EFCAB5: variants seen among roughly 807,000 people sequenced by gnomAD.
EFCAB5 encodes EF-hand calcium binding domain 5.
Under a neutral mutation model 167.9 loss-of-function variants are expected in EFCAB5, and 131 were observed. That is an observed-to-expected ratio of 0.78 (90% CI 0.68 to 0.90). The LOEUF is 0.90. Among genes scored for constraint, EFCAB5 ranks in the 40% least tolerant of loss-of-function variants. The probability of loss-of-function intolerance (pLI) is 0.00; values close to 1 mark genes in which losing one functional copy is unlikely to be tolerated. For missense variants in EFCAB5, 1,663 were observed against 1,745.2 expected (o/e 0.95, Z 0.84); for synonymous variants, 574 against 602.8 (o/e 0.95, Z 0.70).
chr17:30,097,117 C>T (rs953642461), intron 22 of EFCAB5, among the ~76,000 whole-genome samples: 9 of 149,682 alleles, frequency 6.0e-5, no homozygotes, highest in African/African-American at 1.5e-4. Context: ...AGTGCAGTGG[C>T]GCGATCTCGG....
At chr17:30,022,489 A>C (rs2069204786) in intron 7 of EFCAB5, among the ~76,000 whole-genome samples, 1 of 152,154 alleles carries the variant, frequency 6.6e-6, no homozygotes. Flanking sequence ...ACAGATGCAA[A>C]CATTATAAAC....
chr17:30,101,028 A>G (rs2071375925), intron 22 of EFCAB5, among the ~76,000 whole-genome samples: 1 of 152,198 alleles, frequency 6.6e-6, no homozygotes, highest in South Asian at 2.1e-4. Flanking sequence ...TCAGGAGGTA[A>G]TGGAGGACTG....
chr17:29,986,667 G>C (rs1253939160), intron 4 of EFCAB5, among the ~76,000 whole-genome samples: 1 of 2,960 alleles, frequency 3.4e-4, no homozygotes, highest in Non-Finnish European at 7.9e-4. Flanking sequence ...TTTTTTTTTT[G>C]AGACGGAGTC....
At chr17:30,101,783 T>C (rs1369980630) in intron 22 of EFCAB5, among the ~76,000 whole-genome samples, 1 of 152,158 alleles carries the variant, frequency 6.6e-6, no homozygotes, top group Non-Finnish European at 1.5e-5. Flanking sequence ...ATGGGAGAGA[T>C]AACAGCAGGT....
In EFCAB5 at chr17:29,993,294, C is replaced by T. The variant is rs111373861; in HGVS notation, c.897C>T (p.Asp299=). Residue 299 remains aspartate (D), a synonymous_variant, in exon 5 of 23, where the codon GAC becomes GAT. Transcript: ENST00000394835. ...AGCAATTCGATGAATGGATTCTAGA[C>T]CCTAAAGGAATGATTCCTAAGTCAG... The part of the protein sequence containing the change: ...LQEQFDEWIL[D]PKGMIPKSVI... 4.5e-5 allele frequency: 72 copies of T among 1,613,022 alleles called. 1 individual carries two copies. The highest frequency in any genetic ancestry group is 3.3e-4 in the African/African-American group (25 of 74,970).
intron 22 of EFCAB5, among the ~76,000 whole-genome samples, chr17:30,095,097 T>C (rs2071270476): frequency 6.6e-6 from 1 of 152,134 alleles, no homozygotes; most frequent in African/African-American, 2.4e-5. Flanking sequence ...CATGTCTCCC[T>C]CCCAGGAATT....
chr17:30,055,992 A>G, intron 11 of EFCAB5, 27 bp downstream of exon 11: 10 of 1,613,476 alleles, frequency 6.2e-6, no homozygotes, highest in Non-Finnish European at 8.5e-6. Context: ...TCCTCCTTTC[A>G]TTTATACCCT....
chr17:29,940,231 A>T (rs1352068529), upstream of EFCAB5, among the ~76,000 whole-genome samples: 4 of 152,076 alleles, frequency 2.6e-5, no homozygotes, highest in Non-Finnish European at 5.9e-5. Context: ...ACCTGCCAAC[A>T]CACCCAGCTA....
At position 29,968,816 on chromosome 17, in the gene EFCAB5, A is replaced by C; in HGVS notation, c.216A>C (p.Lys72Asn). 6.7e-7 allele frequency: 1 copy of C among 1,502,762 alleles called. No homozygotes were observed. The highest frequency in any genetic ancestry group is 8.9e-7 in the Non-Finnish European group (1 of 1,126,022). 93.1% of individuals were successfully genotyped at this position (1,502,762 alleles called of 1,614,324 possible). Residue 72 changes from lysine to asparagine, a missense_variant, in exon 4 of 23, where the codon AAA (lysine) becomes AAC (asparagine). Transcript: ENST00000394835. ...SQELNLEGQR[K>N]ISPGSIKDSK... ...AATTAAACCTGGAGGGGCAGCGAAAAATTTCACCTGGTTCAATAAAGGACT... is the reference window on the plus strand; with the variant it reads ...AATTAAACCTGGAGGGGCAGCGAAACATTTCACCTGGTTCAATAAAGGACT...
At chr17:30,071,130 AC>A (rs2070726519) in intron 14 of EFCAB5, among the ~76,000 whole-genome samples, 1 of 150,782 alleles carries the variant, frequency 6.6e-6, no homozygotes, top group Non-Finnish European at 1.5e-5. Context: ...GCAAAATTAG[AC>A]AAGCGGGATT....
intron 1 of EFCAB5, chr17:29,929,922 GC>G: frequency 6.3e-7 from 1 of 1,586,724 alleles, no homozygotes; most frequent in Non-Finnish European, 8.6e-7. Context: ...CGGAGCGGCC[GC>G]CAGGAAGGAC....
At chr17:30,056,797 T>G (rs114048793) in intron 12 of EFCAB5, among the ~76,000 whole-genome samples, 586 of 152,350 alleles carry the variant, frequency 3.8e-3, no homozygotes, top group African/African-American at 0.013. Flanking sequence ...AATAACAAAC[T>G]TTCTATCCTC....
At chr17:29,929,932 A>G in intron 1 of EFCAB5, 1 of 1,595,424 alleles carries the variant, frequency 6.3e-7, no homozygotes, top group Non-Finnish European at 8.5e-7. Flanking sequence ...GCCAGGAAGG[A>G]CTCACCGAGG....
At chr17:30,010,027 A>G (rs151206091) in intron 7 of EFCAB5, among the ~76,000 whole-genome samples, 18 of 152,162 alleles carry the variant, frequency 1.2e-4, no homozygotes, top group Non-Finnish European at 2.4e-4. Flanking sequence ...TCATTGTTCA[A>G]TTCCCACCTA....
At chr17:29,996,558 G>A (rs566893661) in intron 6 of EFCAB5, among the ~76,000 whole-genome samples, 198 bp downstream of exon 6, 1 of 152,100 alleles carries the variant, frequency 6.6e-6, no homozygotes, top group East Asian at 1.9e-4. Context: ...TTTTAGTCTG[G>A]TGTCCATTTT....
chr17:30,017,201 A>G (rs1206259217), intron 7 of EFCAB5, among the ~76,000 whole-genome samples: 1 of 152,030 alleles, frequency 6.6e-6, no homozygotes, highest in Non-Finnish European at 1.5e-5. Flanking sequence ...AAATCAATCC[A>G]AAAACCAACC....
At chr17:30,074,808 G>A (rs2070835892) in intron 14 of EFCAB5, among the ~76,000 whole-genome samples, 2 of 152,024 alleles carry the variant, frequency 1.3e-5, no homozygotes, top group South Asian at 2.1e-4. Flanking sequence ...AGATCTTCCA[G>A]GTTGATCTTA....
intron 7 of EFCAB5, among the ~76,000 whole-genome samples, chr17:30,017,842 C>G (rs966368409): frequency 6.6e-6 from 1 of 152,076 alleles, no homozygotes; most frequent in African/African-American, 2.4e-5. Context: ...TATTCACCTT[C>G]TTTTCTGTAA....
chr17:29,989,894 G>A (rs774151215), intron 4 of EFCAB5, among the ~76,000 whole-genome samples: 54 of 152,172 alleles, frequency 3.5e-4, no homozygotes, highest in South Asian at 8.3e-4. Flanking sequence ...AAACCTTGGC[G>A]GGAACTTTGT....
Sources: gnomAD v4.1 joint callset for allele counts (sites outside exome capture counted in the v4.1 genomes callset) on GRCh38, gnomAD v4.1.1 for gene constraint, MANE v1.5 for transcripts, NCBI Gene and HGNC (gene_info 2026-07-23, HGNC 2026-07-21) for gene names.